SDK1: variants seen among roughly 807,000 people sequenced by gnomAD.
The protein encoded by SDK1 is sidekick cell adhesion molecule 1.
Under a neutral mutation model 245.5 loss-of-function variants are expected in SDK1, and 157 were observed. That is an observed-to-expected ratio of 0.64 (90% confidence interval 0.56 to 0.73). SDK1 has a LOEUF of 0.73. SDK1 is among the 30% of genes least tolerant of loss of function. The pLI is 0.00. For synonymous variants in SDK1, 1,647 were observed against 1,278.5 expected (o/e 1.29, Z -6.15); for missense variants, 3,583 against 3,002.3 (o/e 1.19, Z -4.52).
At chr7:4,108,085 A>AGT (rs1158908776) in intron 22 of SDK1, among the ~76,000 whole-genome samples, 1 of 152,112 alleles carries the variant, frequency 6.6e-6, no homozygotes, top group Non-Finnish European at 1.5e-5. Context: ...AGCCAACCTG[A>AGT]GTGAGCTCCT....
intron 19 of SDK1, among the ~76,000 whole-genome samples, chr7:4,066,846 G>A (rs1779938326): frequency 6.6e-6 from 1 of 152,214 alleles, no homozygotes. Flanking sequence ...GTGGGGCGGA[G>A]CTCTGCGCCT....
At chr7:3,790,676 C>T (rs1436410705) in intron 4 of SDK1, among the ~76,000 whole-genome samples, 1 of 152,116 alleles carries the variant, frequency 6.6e-6, no homozygotes, top group African/African-American at 2.4e-5. Flanking sequence ...CATGGTGACG[C>T]ATGCCTGTGA....
At chr7:4,222,627 G>A (rs1481304548) in intron 40 of SDK1, among the ~76,000 whole-genome samples, 2 of 152,210 alleles carry the variant, frequency 1.3e-5, no homozygotes, top group Non-Finnish European at 2.9e-5. Context: ...GAAACCTAGT[G>A]CAGAAGCGTG....
At chr7:3,904,387 A>T (rs1305513942) in intron 5 of SDK1, among the ~76,000 whole-genome samples, 1 of 152,136 alleles carries the variant, frequency 6.6e-6, no homozygotes, top group Non-Finnish European at 1.5e-5. Context: ...GGTGAATATA[A>T]TATAATATAA....
intron 4 of SDK1, among the ~76,000 whole-genome samples, chr7:3,667,515 A>T (rs538699285): frequency 4.0e-4 from 61 of 152,294 alleles, no homozygotes; most frequent in African/African-American, 1.4e-3. Flanking sequence ...AATTTTGACA[A>T]ACATACAGTG....
At chr7:3,384,866 A>G (rs954362209) in intron 1 of SDK1, among the ~76,000 whole-genome samples, 1 of 152,230 alleles carries the variant, frequency 6.6e-6, no homozygotes, top group Non-Finnish European at 1.5e-5. Context: ...TACCCGTAGT[A>G]TATAGCAGAT....
chr7:4,105,845 G>C (rs571637542), intron 22 of SDK1, among the ~76,000 whole-genome samples: 1 of 152,188 alleles, frequency 6.6e-6, no homozygotes, highest in Non-Finnish European at 1.5e-5. Context: ...TCTGAGAGGG[G>C]GAAGAGTGGT....
chr7:3,540,050 A>G (rs2879918), intron 1 of SDK1, among the ~76,000 whole-genome samples: 1 of 152,078 alleles, frequency 6.6e-6, no homozygotes, highest in Non-Finnish European at 1.5e-5. Context: ...GAGTCACAAA[A>G]AAAACACATA....
chr7:4,168,824 C>T (rs946259440), intron 32 of SDK1, among the ~76,000 whole-genome samples: 3 of 152,146 alleles, frequency 2.0e-5, no homozygotes, highest in Non-Finnish European at 4.4e-5. Flanking sequence ...TCTGTCTGCT[C>T]GCCTCTTCGT....
intron 4 of SDK1, among the ~76,000 whole-genome samples, chr7:3,757,854 C>T (rs1779981737): frequency 6.6e-6 from 1 of 152,150 alleles, no homozygotes; most frequent in African/African-American, 2.4e-5. Context: ...CTGAAAGTTC[C>T]AAGTTTCTAA....
chr7:3,974,029 A>G (rs1782689446), intron 12 of SDK1, among the ~76,000 whole-genome samples: 1 of 151,712 alleles, frequency 6.6e-6, no homozygotes, highest in Admixed American at 6.6e-5. Context: ...TAAAAATACA[A>G]AAAAATTAGC....
chr7:3,523,179 T>G (rs1783001188), intron 1 of SDK1, among the ~76,000 whole-genome samples: 1 of 152,186 alleles, frequency 6.6e-6, no homozygotes, highest in South Asian at 2.1e-4. Context: ...TGATAAACAC[T>G]ATATGCAATT....
At chr7:3,485,543 C>T (rs956891710) in intron 1 of SDK1, among the ~76,000 whole-genome samples, 1 of 151,966 alleles carries the variant, frequency 6.6e-6, no homozygotes, top group African/African-American at 2.4e-5. Flanking sequence ...TCTTCCCTAC[C>T]CCTTTAAATG....
intron 5 of SDK1, among the ~76,000 whole-genome samples, chr7:3,897,042 C>A (rs746129268): frequency 6.6e-6 from 1 of 152,004 alleles, no homozygotes; most frequent in Non-Finnish European, 1.5e-5. Flanking sequence ...TGCACACTTA[C>A]CAAACAACCA....
At chr7:4,177,519 G>A (rs867176373) in intron 34 of SDK1, among the ~76,000 whole-genome samples, 2 of 152,118 alleles carry the variant, frequency 1.3e-5, no homozygotes, top group Non-Finnish European at 2.9e-5. Flanking sequence ...GGTTACCAGC[G>A]TCCTTCTACA....
intron 5 of SDK1, among the ~76,000 whole-genome samples, chr7:3,825,122 T>A (rs1326636548): frequency 6.6e-6 from 1 of 152,128 alleles, no homozygotes; most frequent in Non-Finnish European, 1.5e-5. Context: ...CAGCTCCCAC[T>A]GCTCAGGTGC....
intron 44 of SDK1, among the ~76,000 whole-genome samples, chr7:4,252,081 A>G (rs1787337287): frequency 6.6e-6 from 1 of 152,092 alleles, no homozygotes; most frequent in East Asian, 1.9e-4. Flanking sequence ...TTATACGTTA[A>G]GTTTTAGGGT....
At chr7:3,945,195 A>C (rs1253878625) in intron 5 of SDK1, among the ~76,000 whole-genome samples, 1 of 152,224 alleles carries the variant, frequency 6.6e-6, no homozygotes, top group Admixed American at 6.5e-5. Flanking sequence ...AAGGTAGATG[A>C]ACAGACAAAC....
intron 5 of SDK1, among the ~76,000 whole-genome samples, chr7:3,941,771 CA>C (rs1344346282): frequency 6.6e-6 from 1 of 152,198 alleles, no homozygotes; most frequent in Non-Finnish European, 1.5e-5. Flanking sequence ...GGACGTTAGG[CA>C]GTTCAACTTT....
Sources: allele counts gnomAD v4.1 joint callset (sites outside exome capture counted in the v4.1 genomes callset), GRCh38; gene constraint gnomAD v4.1.1; transcripts MANE v1.5; gene names NCBI Gene and HGNC (gene_info 2026-07-23, HGNC 2026-07-21).